Variants in CDC42BPG observed in about 807,000 individuals in gnomAD.
The protein encoded by CDC42BPG is CDC42 binding protein kinase gamma, also known as serine/threonine-protein kinase MRCK gamma.
In CDC42BPG, 157 loss-of-function variants were observed where a neutral mutation model predicts 192.2. The observed-to-expected ratio is 0.82, with a 90% CI of 0.72 to 0.93. The LOEUF (loss-of-function observed/expected upper bound fraction) is 0.93, where lower values mean the gene tolerates loss of function less well. Among genes scored for constraint, CDC42BPG ranks in the 40% least tolerant of loss-of-function variants. CDC42BPG has a pLI of 0.00. For missense variants in CDC42BPG, 1,992 were observed against 2,122.1 expected, an observed-to-expected ratio of 0.94 and a Z score of 1.20; for synonymous variants, 981 against 918.5, an observed-to-expected ratio of 1.07 and a Z score of -1.23.
intron 36 of CDC42BPG, 114 bp downstream of exon 36, chr11:64,826,356 G>T: frequency 1.4e-6 from 1 of 732,740 alleles, no homozygotes; most frequent in African/African-American, 1.7e-5. Context: ...TAGAATCGAG[G>T]GCAGGGATGG....
Position 64,832,748 on chromosome 11 carries a change from C to A in CDC42BPG, c.2866-5G>T. ...GACACCTGAGGGCCGCGGCACCTGG[C>A]GGAAAGGCAAGCATGGGAGGGCTGC... On this transcript the variant is annotated splice_region_variant and splice_polypyrimidine_tract_variant and intron_variant, in intron 25 of 36. Transcript: ENST00000342711. 4 of 1,602,298 alleles carry A rather than the reference C, an allele frequency of 2.5e-6. No individual in the cohort carries two copies. Among genetic ancestry groups the A allele is most frequent in the Middle Eastern group, 1.7e-4 (1 of 6,040 alleles).
chr11:64,840,686 T>A (rs1273951890), intron 3 of CDC42BPG, 38 bp from the exon 4 acceptor site: 2 of 1,592,682 alleles, frequency 1.3e-6, no homozygotes, highest in Non-Finnish European at 8.6e-7. Flanking sequence ...TGGGGTGGGA[T>A]CAGAGCCCAG....
At chr11:64,830,142 C>A in intron 29 of CDC42BPG, 52 bp downstream of exon 29, 5 of 1,612,670 alleles carry the variant, frequency 3.1e-6, no homozygotes, top group Non-Finnish European at 4.2e-6. Flanking sequence ...CCTCCTCTGC[C>A]CGCTGGGGCT....
At chr11:64,842,743 G>A (rs1389513007) in intron 1 of CDC42BPG, among the ~76,000 whole-genome samples, 3 of 152,204 alleles carry the variant, frequency 2.0e-5, no homozygotes, top group African/African-American at 7.2e-5. Flanking sequence ...CACTTTCCAG[G>A]CCTGGATTAG....
intron 35 of CDC42BPG, 35 bp downstream of exon 35, chr11:64,826,636 G>T (rs770194301): frequency 1.3e-6 from 2 of 1,586,970 alleles, no homozygotes; most frequent in South Asian, 1.1e-5. Flanking sequence ...TTGGGGTGGG[G>T]GGTGGCACAC....
rs777822726 is a variant in CDC42BPG, at chr11:64,834,483, T to C, written c.2270A>G (p.Gln757Arg). ...CTGTGTCAGCCGCTCCTGCAGGCCC[T>C]GCTTGGCGCGGATCTCGGCCTCCAG... is the stretch of plus-strand genomic sequence containing the variant. ...SALEAEIRAK[Q>R]GLQERLTQVQ... The change falls in exon 19 of 37, where the codon CAG becomes CGG. Residue 757 changes from glutamine (Q) to arginine (R), a missense_variant. Physicochemically the swap from Gln to Arg is conservative, Grantham distance 43. Around this residue, in one of 2 missense-constraint regions of CDC42BPG, gnomAD observed 1,656 missense variants for 1,844.3 expected, o/e 0.90. Transcript: ENST00000342711. 1.3e-6 allele frequency: 2 copies of C among 1,572,674 alleles called. No individual in the cohort carries two copies. Among genetic ancestry groups the C allele is most frequent in the Middle Eastern group, 1.7e-4 (1 of 5,792 alleles).
At chr11:64,844,260 G>A in intron 1 of CDC42BPG, 150 bp downstream of exon 1, 1 of 682,828 alleles carries the variant, frequency 1.5e-6, no homozygotes, top group Non-Finnish European at 2.1e-6. Flanking sequence ...GCGGGCCGCG[G>A]GGGTCCGGTG....
Position 64,826,756 on chromosome 11 carries a change from G to A in CDC42BPG, c.4428C>T (p.Gly1476=), listed in dbSNP as rs775153521. ...EEKGRVARGS[G]PQRPHSFSEA... ...CGGAGAAGCTGTGGGGCCGCTGTGG[G>A]CCGGAGCCGCGGGCAACTCGGCCCT... Residue 1476 remains glycine, a synonymous_variant, in exon 35 of 37, where the codon GGC becomes GGT. Transcript: ENST00000342711. 172 of 1,533,836 alleles carry A rather than the reference G, an allele frequency of 1.1e-4. No homozygotes were observed. Among genetic ancestry groups the A allele is most frequent in the Non-Finnish European group, 1.5e-4 (170 of 1,141,366 alleles).
chr11:64,842,032 C>T (rs772981365), intron 1 of CDC42BPG, 128 bp from the exon 2 acceptor site: 8 of 717,086 alleles, frequency 1.1e-5, no homozygotes, highest in African/African-American at 3.5e-5. Flanking sequence ...GGGACAGCCT[C>T]GGGCCAAGGG....
intron 18 of CDC42BPG, 31 bp from the exon 19 acceptor site, chr11:64,834,608 C>T (rs777067202): frequency 4.6e-6 from 7 of 1,512,612 alleles, no homozygotes; most frequent in Non-Finnish European, 6.2e-6. Context: ...GTATAAGATG[C>T]TTTCTAGGCC....
At chr11:64,825,871 G>C (rs1179552664) in intron 36 of CDC42BPG, among the ~76,000 whole-genome samples, 1 of 152,092 alleles carries the variant, frequency 6.6e-6, no homozygotes, top group Non-Finnish European at 1.5e-5. Flanking sequence ...TTCGAGACCA[G>C]CCTGGCCAAC....
chr11:64,839,644 T>C, intron 5 of CDC42BPG, 73 bp from the exon 6 acceptor site: 1 of 1,249,478 alleles, frequency 8.0e-7, no homozygotes, highest in Admixed American at 2.0e-5. Context: ...CACGCCCAGG[T>C]GCACATGCAC....
chr11:64,840,407 A>T (rs1422327299), intron 4 of CDC42BPG, 139 bp from the exon 5 acceptor site: 1 of 1,398,446 alleles, frequency 7.2e-7, no homozygotes. Context: ...GGGCTCAGGC[A>T]GGAGGCGCCA....
chr11:64,830,162 C>T, intron 29 of CDC42BPG, 32 bp downstream of exon 29: 2 of 1,613,340 alleles, frequency 1.2e-6, no homozygotes, highest in Non-Finnish European at 1.7e-6. Context: ...TGCCCCTGCC[C>T]ACGCCCACCC....
Position 64,844,647 on chromosome 11 carries a change from A to C in CDC42BPG, c.-78T>G. On this transcript the variant is annotated 5_prime_UTR_variant, in exon 1 of 37. Transcript: ENST00000342711. ...GCCTGTCGGGCCGTCCGTCCGCCCAACCGTCTGAGGCTCTGTCCGCGCGTC... is the reference window on the plus strand; with the variant it reads ...GCCTGTCGGGCCGTCCGTCCGCCCACCCGTCTGAGGCTCTGTCCGCGCGTC... 3 of 1,136,926 alleles carry C rather than the reference A, an allele frequency of 2.6e-6. No homozygotes were observed. The highest frequency in any genetic ancestry group is 3.9e-5 in the South Asian group (1 of 25,346). The allele number at this position is 1,136,926 out of a possible 1,614,324, so 70.4% of individuals were successfully genotyped here. A position where few individuals can be genotyped will look rare whatever the true frequency, so the allele number is the denominator to read the frequency against.
intron 6 of CDC42BPG, 76 bp from the exon 7 acceptor site, chr11:64,839,309 G>A: frequency 6.4e-7 from 1 of 1,571,462 alleles, no homozygotes; most frequent in Non-Finnish European, 8.7e-7. Flanking sequence ...CGATGGCCCT[G>A]TCACCCCTAC....
At chr11:64,837,828 C>T (rs534325548) in intron 9 of CDC42BPG, among the ~76,000 whole-genome samples, 19 of 152,340 alleles carry the variant, frequency 1.2e-4, no homozygotes, top group Middle Eastern at 6.8e-3. Flanking sequence ...GAACCCTGCA[C>T]CTCTGGCTCT....
chr11:64,835,017 T>TTGGGCCCCCCCCCCCCCCC, intron 17 of CDC42BPG, 30 bp downstream of exon 17: 1 of 1,571,956 alleles, frequency 6.4e-7, no homozygotes, highest in Non-Finnish European at 8.7e-7. Flanking sequence ...TCGCCTGCGT[T>TTGGGCCCCCCCCCCCCCCC]CCCCACCCCG....
Position 64,831,612 on chromosome 11 carries a change from C to T in CDC42BPG, c.3197G>A (p.Arg1066Gln), listed in dbSNP as rs140566694. 1.5e-5 allele frequency: 24 copies of T among 1,611,944 alleles called. No homozygotes were observed. The East Asian group carries it at 3.3e-4, about 22-fold the overall frequency. The change falls in exon 28 of 37, where the codon CGG becomes CAG. Residue 1066 changes from arginine (R) to glutamine (Q), a missense_variant. By Grantham distance (43) the Arg-to-Gln change is conservative. Coordinates refer to ENST00000342711, the MANE Select transcript of CDC42BPG (RefSeq NM_017525.3). ...TCTTGGCCGCGCGTCCAGCAGCAGC[C>T]GCTGCAGCTCACCCAGCACCTGCAG... ...RWLQVLGELQ[R>Q]LLLDARPRPR...
Sources: gnomAD v4.1 joint callset for allele counts (sites outside exome capture counted in the v4.1 genomes callset) on GRCh38, gnomAD v4.1.1 for gene constraint, gnomAD v4.1.1 regional missense constraint, MANE v1.5 for transcripts, NCBI Gene and HGNC (gene_info 2026-07-23, HGNC 2026-07-21) for gene names.